PREX2: variants seen among roughly 807,000 people sequenced by gnomAD.
PREX2 encodes the protein phosphatidylinositol-3,4,5-trisphosphate dependent Rac exchange factor 2.
In PREX2, 107 loss-of-function variants were observed where a neutral mutation model predicts 203.2. The ratio of observed to expected loss-of-function variants is 0.53; its 90% CI spans 0.45 to 0.62. PREX2 has a LOEUF of 0.62. PREX2 is among the 20% of genes least tolerant of loss of function. The probability of loss-of-function intolerance (pLI) is 0.00; values close to 1 mark genes in which losing one functional copy is unlikely to be tolerated. For missense variants in PREX2, 1,777 were observed against 1,955.9 expected (o/e 0.91, Z 1.72); for synonymous variants, 672 against 663.6 (o/e 1.01, Z -0.19).
chr8:68,140,091 G>T (rs1193138386), intron 33 of PREX2, among the ~76,000 whole-genome samples: 1 of 152,138 alleles, frequency 6.6e-6, no homozygotes, highest in Non-Finnish European at 1.5e-5. Context: ...GAACAAGTAG[G>T]AGAAGAACCA....
intron 1 of PREX2, among the ~76,000 whole-genome samples, chr8:67,966,619 A>AAAC (rs1331637215): frequency 1.3e-5 from 2 of 152,252 alleles, no homozygotes; most frequent in East Asian, 3.9e-4. Context: ...AAACAACAAA[A>AAAC]AACAACAACA....
chr8:68,061,368 C>G (rs1214567297), intron 11 of PREX2, among the ~76,000 whole-genome samples: 1 of 152,208 alleles, frequency 6.6e-6, no homozygotes, highest in Admixed American at 6.5e-5. Flanking sequence ...GGGCCAGGAG[C>G]TGATGAATGC....
intron 1 of PREX2, among the ~76,000 whole-genome samples, chr8:67,986,194 A>G (rs1806415323): frequency 6.6e-6 from 1 of 152,222 alleles, no homozygotes; most frequent in Non-Finnish European, 1.5e-5. Flanking sequence ...GATTTTATGT[A>G]CAAGGCACAG....
At chr8:68,151,739 C>A (rs1811439243) in intron 34 of PREX2, among the ~76,000 whole-genome samples, 1 of 151,522 alleles carries the variant, frequency 6.6e-6, no homozygotes, top group African/African-American at 2.4e-5. Flanking sequence ...GGTCTTTTCT[C>A]TGCCAGCATG....
intron 9 of PREX2, among the ~76,000 whole-genome samples, chr8:68,053,680 ATAC>A (rs780679521): frequency 7.9e-5 from 12 of 152,230 alleles, no homozygotes; most frequent in Non-Finnish European, 1.6e-4. Context: ...TGTTCTCAGT[ATAC>A]TTAACAGAAC....
At chr8:67,980,822 C>G (rs1367359606) in intron 1 of PREX2, among the ~76,000 whole-genome samples, 1 of 152,200 alleles carries the variant, frequency 6.6e-6, no homozygotes, top group Non-Finnish European at 1.5e-5. Context: ...TGCCTTCTGT[C>G]ATGATCGTAA....
chr8:67,973,665 T>C (rs912305786), intron 1 of PREX2, among the ~76,000 whole-genome samples: 4 of 152,224 alleles, frequency 2.6e-5, no homozygotes, highest in African/African-American at 9.6e-5. Flanking sequence ...TGGTAACGCA[T>C]ATCTTAGCAC....
At chr8:68,018,210 G>A (rs1807461767) in intron 2 of PREX2, among the ~76,000 whole-genome samples, 2 of 151,976 alleles carry the variant, frequency 1.3e-5, no homozygotes, top group South Asian at 2.1e-4. Context: ...GCTTATGCCT[G>A]TAATCCCAGC....
At chr8:68,210,799 G>A (rs761702066) in intron 37 of PREX2, among the ~76,000 whole-genome samples, 9 of 152,156 alleles carry the variant, frequency 5.9e-5, no homozygotes, top group Middle Eastern at 3.2e-3. Context: ...TAGGAGGCCC[G>A]TAGTTTTCGG....
intron 3 of PREX2, 126 bp downstream of exon 3, chr8:68,019,797 T>C (rs534135916): frequency 1.0e-5 from 9 of 866,510 alleles, no homozygotes; most frequent in Admixed American, 5.3e-5. Context: ...TTTAAGGTCT[T>C]TTAAGGCCAA....
intron 35 of PREX2, 145 bp from the exon 36 acceptor site, chr8:68,191,577 A>G: frequency 1.7e-6 from 1 of 584,004 alleles, no homozygotes; most frequent in Non-Finnish European, 3.0e-6. Flanking sequence ...ACCTTTTGAC[A>G]TTTGTGCAAC....
intron 37 of PREX2, among the ~76,000 whole-genome samples, chr8:68,215,318 T>C (rs1396348395): frequency 6.6e-6 from 1 of 152,198 alleles, no homozygotes; most frequent in African/African-American, 2.4e-5. Flanking sequence ...AAGTTCTGCT[T>C]TATCAGTAAA....
intron 1 of PREX2, among the ~76,000 whole-genome samples, chr8:67,971,893 A>G (rs1441169701): frequency 6.6e-6 from 1 of 152,210 alleles, no homozygotes; most frequent in African/African-American, 2.4e-5. Flanking sequence ...GGAAATAAGG[A>G]TGTTGTAGAA....
Position 68,214,267 on chromosome 8 carries a change from G to A in PREX2, c.4605-3349G>A, listed in dbSNP as rs1001029340. Among the ~76,000 whole-genome samples the A allele has an allele frequency of 8.5e-5, 13 of 152,148 alleles. 1 individual carries two copies. Among genetic ancestry groups the A allele is most frequent in the Admixed American group, 7.2e-4 (11 of 15,274 alleles). ...ATACAAAAGTTGGCTGCATGTGGTG[G>A]TGTATTCCTGTAGTCCCAGCTACTT... On this transcript the variant is annotated intron_variant, in intron 37 of 39. Transcript: ENST00000288368.
At chr8:68,152,028 G>T (rs185863103) in intron 34 of PREX2, among the ~76,000 whole-genome samples, 2 of 151,408 alleles carry the variant, frequency 1.3e-5, no homozygotes, top group African/African-American at 4.9e-5. Context: ...GGTGGCTCAC[G>T]CCTGTAATCC....
intron 1 of PREX2, among the ~76,000 whole-genome samples, chr8:67,955,162 A>AG (rs1805465727): frequency 6.6e-6 from 1 of 150,792 alleles, no homozygotes; most frequent in African/African-American, 2.5e-5. Flanking sequence ...AAAAAAAAAA[A>AG]AAAAAAAAAG....
chr8:68,168,704 C>T (rs1247899642), intron 35 of PREX2, among the ~76,000 whole-genome samples: 1 of 152,148 alleles, frequency 6.6e-6, no homozygotes, highest in Non-Finnish European at 1.5e-5. Flanking sequence ...TCCTAAATTG[C>T]TTTTGGGCAA....
intron 25 of PREX2, among the ~76,000 whole-genome samples, chr8:68,113,430 T>C (rs1397258619): frequency 6.6e-6 from 1 of 152,230 alleles, no homozygotes; most frequent in Non-Finnish European, 1.5e-5. Context: ...GGAGCTTGGA[T>C]AATTGGAGTT....
In PREX2 at chr8:68,231,235, CAAG is replaced by C; in HGVS notation, c.4776-95_4776-93del. ...GACAATCCGATCATGACTCACGAAA[CAAG>C]AAATTATCATCAATGTATTTGTTCT... On this transcript the variant is annotated intron_variant, in intron 39 of 39. Transcript: ENST00000288368. The C allele has an allele frequency of 3.5e-6, 3 of 860,692 alleles. No homozygotes were observed. In the South Asian group the frequency reaches 8.8e-5, roughly 25 times the overall value. 53.3% of individuals were successfully genotyped at this position (860,692 alleles called of 1,614,324 possible).
Sources: allele counts gnomAD v4.1 joint callset (sites outside exome capture counted in the v4.1 genomes callset), GRCh38; gene constraint gnomAD v4.1.1; transcripts MANE v1.5; gene names NCBI Gene and HGNC (gene_info 2026-07-23, HGNC 2026-07-21).